Variants in HDAC4 observed in about 807,000 individuals in gnomAD.
HDAC4 encodes histone deacetylase A.
Under a neutral mutation model 135.1 loss-of-function variants are expected in HDAC4, and 16 were observed. That is an observed-to-expected ratio of 0.12 (90% CI 0.08 to 0.18). The LOEUF (loss-of-function observed/expected upper bound fraction) is 0.18, where lower values mean the gene tolerates loss of function less well. Ranked by LOEUF, HDAC4 falls within the 10% of genes least tolerant of loss-of-function variation. The pLI, the probability that HDAC4 is intolerant of heterozygous loss-of-function variation, is 1.00. For missense variants in HDAC4, 1,143 were observed against 1,511.8 expected, an observed-to-expected ratio of 0.76 and a Z score of 4.05; for synonymous variants, 685 against 653.4, an observed-to-expected ratio of 1.05 and a Z score of -0.74.
At chr2:239,201,551 A>C (rs924876390) in intron 3 of HDAC4, among the ~76,000 whole-genome samples, 1 of 152,152 alleles carries the variant, frequency 6.6e-6, no homozygotes, top group African/African-American at 2.4e-5. Flanking sequence ...CCGTGAATAA[A>C]GTCACTTTTT....
chr2:239,280,399 A>G (rs2050635899), intron 2 of HDAC4, among the ~76,000 whole-genome samples: 1 of 152,202 alleles, frequency 6.6e-6, no homozygotes, highest in Admixed American at 6.5e-5. Context: ...TGTTTCTGGG[A>G]AGCCAGCTCC....
chr2:239,370,392 T>C (rs1694519467), intron 1 of HDAC4, among the ~76,000 whole-genome samples: 3 of 152,036 alleles, frequency 2.0e-5, no homozygotes, highest in Admixed American at 6.5e-5. Context: ...AGGAGACAGG[T>C]GCCACACCAA....
At chr2:239,128,686 C>A (rs946879190) in intron 11 of HDAC4, among the ~76,000 whole-genome samples, 2 of 152,214 alleles carry the variant, frequency 1.3e-5, no homozygotes, top group South Asian at 4.1e-4. Flanking sequence ...AAGGTCTCTC[C>A]TCGGAAAGCA....
intron 2 of HDAC4, among the ~76,000 whole-genome samples, chr2:239,283,089 G>C (rs866763663): frequency 1.2e-4 from 18 of 152,232 alleles, no homozygotes; most frequent in African/African-American, 4.1e-4. Flanking sequence ...TCCAGGATTC[G>C]CTCGCCCACA....
intron 1 of HDAC4, among the ~76,000 whole-genome samples, chr2:239,364,066 T>C (rs187217537): frequency 8.5e-5 from 13 of 152,234 alleles, no homozygotes; most frequent in Admixed American, 7.2e-4. Flanking sequence ...AAGGATACCA[T>C]GTGTTGGTAA....
chr2:239,066,414 T>C (rs182096281), intron 24 of HDAC4, among the ~76,000 whole-genome samples: 2 of 152,320 alleles, frequency 1.3e-5, no homozygotes, highest in African/African-American at 4.8e-5. Context: ...CACAGTGTGC[T>C]CCACGTAATG....
At position 239,237,848 on chromosome 2, in the gene HDAC4, G is replaced by A. The variant is rs544933578; in HGVS notation, c.23-1184C>T. ...AATGAAGACAACAACAAAAAACCAC[G>A]GGGACCTCTCCAACCAACCAGCAGC... On this transcript the variant is annotated intron_variant, in intron 2 of 26. Coordinates refer to ENST00000543185, the MANE Select transcript of HDAC4 (RefSeq NM_001378414.1). Among the ~76,000 whole-genome samples the A allele has an allele frequency of 1.1e-4, 16 of 152,234 alleles. No homozygotes were observed. In the East Asian group the frequency reaches 1.7e-3, roughly 17 times the overall value.
At chr2:239,122,104 C>T (rs2039745849) in intron 12 of HDAC4, among the ~76,000 whole-genome samples, 1 of 152,142 alleles carries the variant, frequency 6.6e-6, no homozygotes, top group African/African-American at 2.4e-5. Flanking sequence ...GGTAAACTGC[C>T]AGTATTTTAA....
intron 2 of HDAC4, among the ~76,000 whole-genome samples, chr2:239,244,361 G>A (rs568576652): frequency 4.3e-4 from 65 of 152,256 alleles, no homozygotes; most frequent in African/African-American, 1.5e-3. Flanking sequence ...GTGAGAAAGC[G>A]CTGCGCGAGG....
At chr2:239,290,439 T>C (rs1165977189) in intron 2 of HDAC4, among the ~76,000 whole-genome samples, 1 of 152,184 alleles carries the variant, frequency 6.6e-6, no homozygotes, top group Non-Finnish European at 1.5e-5. Flanking sequence ...ACCTTCTGTG[T>C]GGACTAGGGA....
intron 2 of HDAC4, among the ~76,000 whole-genome samples, chr2:239,342,460 G>A (rs1047104244): frequency 2.0e-5 from 3 of 152,076 alleles, no homozygotes; most frequent in Non-Finnish European, 4.4e-5. Context: ...CTTTATAAAT[G>A]CTATTTCAAA....
intron 2 of HDAC4, among the ~76,000 whole-genome samples, chr2:239,334,712 T>G (rs139955536): frequency 3.0e-4 from 45 of 152,026 alleles, no homozygotes; most frequent in African/African-American, 1.1e-3. Flanking sequence ...CTGTTGAAAT[T>G]GAAAAGCTGA....
chr2:239,293,151 C>T (rs2051632057), intron 2 of HDAC4, among the ~76,000 whole-genome samples: 1 of 152,128 alleles, frequency 6.6e-6, no homozygotes, highest in South Asian at 2.1e-4. Context: ...CCTCACAAGG[C>T]GTTTCCCAAA....
chr2:239,364,564 C>T (rs893582013), intron 1 of HDAC4, among the ~76,000 whole-genome samples: 14 of 152,202 alleles, frequency 9.2e-5, no homozygotes, highest in South Asian at 4.2e-4. Flanking sequence ...GGAGCGGTGG[C>T]GGGGGGAACA....
At chr2:239,323,491 T>C (rs1416282915) in intron 2 of HDAC4, among the ~76,000 whole-genome samples, 2 of 152,212 alleles carry the variant, frequency 1.3e-5, no homozygotes, top group Non-Finnish European at 2.9e-5. Context: ...TTTAATAAAC[T>C]GCTTTCATCC....
chr2:239,350,947 C>T (rs1405379167), intron 2 of HDAC4, among the ~76,000 whole-genome samples: 1 of 152,078 alleles, frequency 6.6e-6, no homozygotes, highest in Non-Finnish European at 1.5e-5. Flanking sequence ...AAATATGCAC[C>T]CCCATTAAAA....
intron 2 of HDAC4, among the ~76,000 whole-genome samples, chr2:239,252,453 G>C (rs1310531725): frequency 2.0e-5 from 3 of 152,226 alleles, no homozygotes; most frequent in African/African-American, 4.8e-5. Flanking sequence ...CACGTTGTGG[G>C]AGCAAGTCCT....
chr2:239,336,898 C>T (rs1691973812), intron 2 of HDAC4, among the ~76,000 whole-genome samples: 1 of 152,234 alleles, frequency 6.6e-6, no homozygotes, highest in Admixed American at 6.5e-5. Flanking sequence ...AATTCCACAT[C>T]ACACTTAGGT....
intron 16 of HDAC4, among the ~76,000 whole-genome samples, chr2:239,098,671 A>G (rs1184412095): frequency 6.6e-6 from 1 of 152,246 alleles, no homozygotes; most frequent in Non-Finnish European, 1.5e-5. Flanking sequence ...GCCCTTGCAC[A>G]CGGCTTAGCG....
Sources: allele counts gnomAD v4.1 joint callset (sites outside exome capture counted in the v4.1 genomes callset), GRCh38; gene constraint gnomAD v4.1.1; transcripts MANE v1.5; gene names NCBI Gene and HGNC (gene_info 2026-07-23, HGNC 2026-07-21).